The following SGCG variants were observed in gnomAD, a reference collection of about 807,000 sequenced individuals.
SGCG encodes sarcoglycan gamma, also known as gamma-sarcoglycan.
SGCG carries 26 observed loss-of-function variants against 29.3 expected under a neutral mutation model. That is an observed-to-expected ratio of 0.89 (90% CI 0.65 to 1.23). The LOEUF (loss-of-function observed/expected upper bound fraction) is 1.23, where lower values mean the gene tolerates loss of function less well. Among genes scored for constraint, SGCG ranks in the 50% most tolerant of loss-of-function variants. SGCG has a pLI of 0.00. For missense variants in SGCG, 353 were observed against 356.0 expected (o/e 0.99, Z 0.07); for synonymous variants, 145 against 129.7 (o/e 1.12, Z -0.80).
intron 4 of SGCG, among the ~76,000 whole-genome samples, chr13:23,252,689 T>A (rs1273147597): frequency 6.7e-6 from 1 of 149,862 alleles, no homozygotes; most frequent in Non-Finnish European, 1.5e-5. Flanking sequence ...AGACTGTGTC[T>A]CAAAAAAAAC....
intron 1 of SGCG, among the ~76,000 whole-genome samples, chr13:23,189,110 C>T (rs1444678222): frequency 6.6e-6 from 1 of 152,196 alleles, no homozygotes; most frequent in Admixed American, 6.5e-5. Context: ...TACACAGGGA[C>T]AGGAACTCCC....
rs147329615 is a variant in SGCG at position 23,248,464 on chromosome 13, G to T, written c.298-2166G>T. Among the ~76,000 whole-genome samples the T allele has an allele frequency of 3.2e-3, 482 of 152,298 alleles. 2 individuals carry two copies. The highest frequency in any genetic ancestry group is 0.011 in the African/African-American group (467 of 41,550). Reference sequence around the variant, plus strand: ...GCCTGTAATCCCAGACCTTTGGGAGGTGGAGGCGGGCGGATCACGAGGTCA... The same window carrying T: ...GCCTGTAATCCCAGACCTTTGGGAGTTGGAGGCGGGCGGATCACGAGGTCA... On this transcript the variant is annotated intron_variant, in intron 3 of 7. Transcript: ENST00000218867.
intron 6 of SGCG, among the ~76,000 whole-genome samples, chr13:23,299,441 TA>T (rs61707142): frequency 0.015 from 325 of 21,730 alleles, 41 homozygotes; most frequent in African/African-American, 0.039. Context: ...TATATATATA[TA>T]TATATATATA....
At chr13:23,224,293 A>G (rs1251330122) in intron 2 of SGCG, among the ~76,000 whole-genome samples, 2 of 152,208 alleles carry the variant, frequency 1.3e-5, no homozygotes, top group African/African-American at 4.8e-5. Context: ...AATAAGGTGA[A>G]ACTACAGGCT....
chr13:23,167,083 C>T, the SGCG span, among the ~76,000 whole-genome samples: 1 of 152,214 alleles, frequency 6.6e-6, no homozygotes, highest in East Asian at 1.9e-4. Context: ...AACCATCCTT[C>T]TACTCTGTCT....
Position 23,324,814 on chromosome 13 carries a change from T to A in SGCG, c.*273T>A. ...TTCACCGGAACAATTGCGAATTCTC[T>A]CTGCCTCGCCTCCCCCTATCTTGTC... On this transcript the variant is annotated 3_prime_UTR_variant, in exon 8 of 8. Transcript: ENST00000218867. The A allele has an allele frequency of 2.3e-6, 1 of 439,660 alleles. No homozygotes were observed. The highest frequency in any genetic ancestry group is 4.3e-6 in the Non-Finnish European group (1 of 234,928). The allele number at this position is 439,660 out of a possible 1,614,324, so 27.2% of individuals were successfully genotyped here. A position where few individuals can be genotyped will look rare whatever the true frequency, so the allele number is the denominator to read the frequency against.
chr13:23,207,407 T>A (rs1878024090), intron 2 of SGCG, among the ~76,000 whole-genome samples: 1 of 152,138 alleles, frequency 6.6e-6, no homozygotes, highest in Non-Finnish European at 1.5e-5. Context: ...ACATGGATCT[T>A]GGCAATGATT....
chr13:23,295,594 C>A, intron 6 of SGCG, 107 bp downstream of exon 6: 1 of 831,472 alleles, frequency 1.2e-6, no homozygotes, highest in South Asian at 1.4e-5. Flanking sequence ...CTTATTTCAT[C>A]AGTTGCCTTT....
intron 7 of SGCG, 63 bp downstream of exon 7, chr13:23,320,823 C>G (rs1883010552): frequency 2.0e-6 from 3 of 1,510,158 alleles, no homozygotes; most frequent in Admixed American, 1.7e-5. Context: ...AGTACCATGT[C>G]TGTAAAGCTA....
chr13:23,306,492 G>A (rs1279120240), intron 6 of SGCG, among the ~76,000 whole-genome samples: 3 of 152,152 alleles, frequency 2.0e-5, no homozygotes, highest in Non-Finnish European at 4.4e-5. Context: ...TGGTCTGAAA[G>A]TAGTCTCATA....
chr13:23,301,752 A>G (rs996504625), intron 6 of SGCG, among the ~76,000 whole-genome samples: 5 of 152,092 alleles, frequency 3.3e-5, no homozygotes, highest in Non-Finnish European at 7.4e-5. Context: ...CCAGGCATAC[A>G]TAGTGGTGCA....
chr13:23,310,311 C>T (rs533630923), intron 6 of SGCG, among the ~76,000 whole-genome samples: 9 of 152,134 alleles, frequency 5.9e-5, no homozygotes, highest in East Asian at 1.9e-4. Flanking sequence ...TGGTCTCGAT[C>T]TCCTGACCTC....
intron 3 of SGCG, chr13:23,247,033 T>C: frequency 6.3e-6 from 1 of 158,812 alleles, no homozygotes. Flanking sequence ...CCCTTCTTCC[T>C]CCCTCACTAG....
intron 2 of SGCG, among the ~76,000 whole-genome samples, chr13:23,216,242 G>T (rs1039005561): frequency 1.3e-5 from 2 of 151,944 alleles, no homozygotes; most frequent in Admixed American, 1.3e-4. Context: ...TCTATACTAC[G>T]GGTGTATCTA....
At chr13:23,201,065 T>C (rs1046204420) in intron 1 of SGCG, among the ~76,000 whole-genome samples, 5 of 152,078 alleles carry the variant, frequency 3.3e-5, no homozygotes, top group East Asian at 1.9e-4. Context: ...CCAGCCTCGA[T>C]GTTAGAAATG....
At chr13:23,209,014 G>C (rs1274617414) in intron 2 of SGCG, among the ~76,000 whole-genome samples, 3 of 152,012 alleles carry the variant, frequency 2.0e-5, no homozygotes, top group African/African-American at 7.2e-5. Flanking sequence ...TGCATTTAGT[G>C]AATGTAACTT....
chr13:23,223,736 G>A (rs1369524562), intron 2 of SGCG, among the ~76,000 whole-genome samples: 2 of 152,150 alleles, frequency 1.3e-5, no homozygotes, highest in Non-Finnish European at 2.9e-5. Context: ...GGGAGGCTGA[G>A]GAGGGCAGAT....
chr13:23,270,646 A>G (rs1880838486), intron 4 of SGCG, among the ~76,000 whole-genome samples: 1 of 152,184 alleles, frequency 6.6e-6, no homozygotes, highest in African/African-American at 2.4e-5. Context: ...TAACTTAATC[A>G]GGTATTTTAA....
chr13:23,272,223 C>G (rs1275410496), intron 4 of SGCG, among the ~76,000 whole-genome samples: 1 of 152,102 alleles, frequency 6.6e-6, no homozygotes, highest in Non-Finnish European at 1.5e-5. Flanking sequence ...ATATCCTTGC[C>G]TTGTTTCCAA....
Sources: allele counts gnomAD v4.1 joint callset (sites outside exome capture counted in the v4.1 genomes callset), GRCh38; gene constraint gnomAD v4.1.1; transcripts MANE v1.5; gene names NCBI Gene and HGNC (gene_info 2026-07-23, HGNC 2026-07-21).